FRMD4B: variants seen among roughly 807,000 people sequenced by gnomAD.
FRMD4B encodes FERM domain-containing protein 4B.
Under a neutral mutation model 141.5 loss-of-function variants are expected in FRMD4B, and 74 were observed. The ratio of observed to expected loss-of-function variants is 0.52; its 90% CI spans 0.43 to 0.63. The LOEUF is 0.63. Ranked by LOEUF, FRMD4B falls within the 30% of genes least tolerant of loss-of-function variation. FRMD4B has a pLI of 0.00. For synonymous variants in FRMD4B, 506 were observed against 467.9 expected, an observed-to-expected ratio of 1.08 and a Z score of -1.05; for missense variants, 1,366 against 1,253.4, an observed-to-expected ratio of 1.09 and a Z score of -1.36.
chr3:69,201,651 T>C (rs936031805), intron 11 of FRMD4B, among the ~76,000 whole-genome samples: 2 of 152,192 alleles, frequency 1.3e-5, no homozygotes, highest in African/African-American at 4.8e-5. Flanking sequence ...GGTTTTTCTT[T>C]TGAAATTGCT....
At chr3:69,538,799 C>T (rs1038830324) in intron 1 of FRMD4B, among the ~76,000 whole-genome samples, 4 of 152,118 alleles carry the variant, frequency 2.6e-5, no homozygotes, top group East Asian at 1.9e-4. Flanking sequence ...CTCTGACTGC[C>T]CACGGCACAT....
At chr3:69,466,110 G>A (rs1705782779) in intron 1 of FRMD4B, among the ~76,000 whole-genome samples, 1 of 151,836 alleles carries the variant, frequency 6.6e-6, no homozygotes, top group Non-Finnish European at 1.5e-5. Flanking sequence ...GTATCTCACT[G>A]TGGTTTTGAT....
chr3:69,245,341 G>GT (rs1205581839), intron 7 of FRMD4B, among the ~76,000 whole-genome samples: 31 of 146,854 alleles, frequency 2.1e-4, no homozygotes, highest in African/African-American at 8.5e-4. Flanking sequence ...GTGTGTGTGT[G>GT]TGTGTGTGTG....
At chr3:69,301,886 C>T (rs1057377842) in intron 4 of FRMD4B, among the ~76,000 whole-genome samples, 2 of 152,176 alleles carry the variant, frequency 1.3e-5, no homozygotes, top group Admixed American at 6.5e-5. Context: ...GCATTTTATC[C>T]TCTATTCAAA....
intron 2 of FRMD4B, among the ~76,000 whole-genome samples, chr3:69,402,391 C>T (rs1704578480): frequency 6.6e-6 from 1 of 152,028 alleles, no homozygotes; most frequent in Admixed American, 6.5e-5. Context: ...GTGTGAGCTG[C>T]CCTACCTCAG....
chr3:69,522,577 C>T (rs1325489042), intron 1 of FRMD4B, among the ~76,000 whole-genome samples: 1 of 152,130 alleles, frequency 6.6e-6, no homozygotes, highest in Non-Finnish European at 1.5e-5. Context: ...ATGTGATAGC[C>T]TATTCCATCA....
intron 5 of FRMD4B, among the ~76,000 whole-genome samples, chr3:69,287,111 G>A (rs1050338650): frequency 3.9e-5 from 6 of 152,132 alleles, no homozygotes; most frequent in African/African-American, 1.2e-4. Flanking sequence ...CCGTAAAAAC[G>A]TTTATAGCAA....
In FRMD4B at chr3:69,515,273, A is replaced by T. The variant is rs113460386; in HGVS notation, c.-129+26933T>A. Among the ~76,000 whole-genome samples the T allele has an allele frequency of 5.7e-3, 866 of 152,284 alleles. 11 individuals carry two copies. Among genetic ancestry groups the T allele is most frequent in the African/African-American group, 0.02 (818 of 41,548 alleles). ...CATGAGACATCCACCCCCATGATCC[A>T]ATCGTCTTCCACCAGGTACCACCTC... On this transcript the variant is annotated intron_variant, in intron 1 of 5. Coordinates refer to the FRMD4B transcript ENST00000459638.
At chr3:69,351,836 G>C (rs1703160890) in intron 1 of FRMD4B, among the ~76,000 whole-genome samples, 1 of 152,134 alleles carries the variant, frequency 6.6e-6, no homozygotes, top group African/African-American at 2.4e-5. Flanking sequence ...GAGGAGATTG[G>C]ACAAAGTGAC....
chr3:69,493,716 T>C (rs1028131143), intron 1 of FRMD4B, among the ~76,000 whole-genome samples: 1 of 152,168 alleles, frequency 6.6e-6, no homozygotes, highest in Non-Finnish European at 1.5e-5. Context: ...TCTCTCTCGA[T>C]TATAAGCTTC....
At position 69,317,095 on chromosome 3, in the gene FRMD4B, C is replaced by T. The variant is rs147336008; in HGVS notation, c.163-3578G>A. On this transcript the variant is annotated intron_variant, in intron 1 of 22. Transcript: ENST00000398540. ...AACTCCGCCTCAAAAAAAAAATCAT[C>T]TTTTTTTGCCTTTCCATTTTGCTTT... Among the ~76,000 whole-genome samples the T allele has an allele frequency of 1.6e-3, 240 of 152,042 alleles. 2 individuals carry two copies. The highest frequency in any genetic ancestry group is 5.5e-3 in the African/African-American group (228 of 41,464).
intron 1 of FRMD4B, among the ~76,000 whole-genome samples, chr3:69,510,522 A>G (rs1706671565): frequency 6.6e-6 from 1 of 152,222 alleles, no homozygotes; most frequent in Non-Finnish European, 1.5e-5. Flanking sequence ...AATCAAGGAT[A>G]AAAGCAATTT....
chr3:69,495,948 C>T (rs1397419844), intron 1 of FRMD4B, among the ~76,000 whole-genome samples: 2 of 152,126 alleles, frequency 1.3e-5, no homozygotes, highest in African/African-American at 4.8e-5. Context: ...TTTTATGGCA[C>T]AAGAATAGAC....
rs2092898557 is a variant in FRMD4B, at chr3:69,195,882, C to T, written c.1234+373G>A. Reference sequence around the variant, plus strand: ...AGGAAGGGCTTAGGGGAAGCTACCACATTTGAGGGGTATGCTTGTAATCAT... The same window carrying T: ...AGGAAGGGCTTAGGGGAAGCTACCATATTTGAGGGGTATGCTTGTAATCAT... On this transcript the variant is annotated intron_variant, in intron 14 of 22. Coordinates refer to ENST00000398540, the MANE Select transcript of FRMD4B (RefSeq NM_015123.3). Among the ~76,000 whole-genome samples the T allele has an allele frequency of 3.9e-5, 6 of 152,112 alleles. No homozygotes were observed. The South Asian group carries it at 1.2e-3, about 32-fold the overall frequency.
At chr3:69,260,143 T>G (rs2106845357) in intron 5 of FRMD4B, among the ~76,000 whole-genome samples, 1 of 152,284 alleles carries the variant, frequency 6.6e-6, no homozygotes, top group East Asian at 1.9e-4. Flanking sequence ...GGTGCCTCCT[T>G]GGCCTCGGTG....
intron 5 of FRMD4B, among the ~76,000 whole-genome samples, chr3:69,276,783 G>C (rs1019529056): frequency 1.2e-4 from 18 of 152,136 alleles, no homozygotes; most frequent in Admixed American, 3.3e-4. Flanking sequence ...TGGCCAATAT[G>C]GTGAAACCCC....
At chr3:69,248,141 T>C (rs1366065517) in intron 7 of FRMD4B, among the ~76,000 whole-genome samples, 7 of 151,596 alleles carry the variant, frequency 4.6e-5, no homozygotes, top group Non-Finnish European at 1.0e-4. Flanking sequence ...TACCTTATAC[T>C]CTTGTTTTTT....
At chr3:69,480,208 G>C (rs1168354156) in intron 1 of FRMD4B, among the ~76,000 whole-genome samples, 2 of 152,204 alleles carry the variant, frequency 1.3e-5, no homozygotes, top group Admixed American at 6.5e-5. Context: ...CTCTCAACTT[G>C]TCAAAGTCAT....
chr3:69,391,502 G>C (rs1233104733), intron 2 of FRMD4B, among the ~76,000 whole-genome samples: 1 of 149,796 alleles, frequency 6.7e-6, no homozygotes, highest in Non-Finnish European at 1.5e-5. Flanking sequence ...TGCGCTGTTT[G>C]GTTTTCTGTC....
Sources: allele counts gnomAD v4.1 joint callset (sites outside exome capture counted in the v4.1 genomes callset), GRCh38; gene constraint gnomAD v4.1.1; transcripts MANE v1.5; gene names NCBI Gene and HGNC (gene_info 2026-07-23, HGNC 2026-07-21).